DPP10: variants seen among roughly 807,000 people sequenced by gnomAD.
DPP10 encodes dipeptidyl peptidase like 10, also known as inactive dipeptidyl peptidase 10.
DPP10 carries 33 observed loss-of-function variants against 120.9 expected under a neutral mutation model. The ratio of observed to expected loss-of-function variants is 0.27; its 90% CI spans 0.21 to 0.37. The LOEUF (loss-of-function observed/expected upper bound fraction) is 0.37. Ranked by LOEUF, DPP10 falls within the 10% of genes least tolerant of loss-of-function variation. DPP10 has a pLI of 1.00. For synonymous variants in DPP10, 337 were observed against 326.1 expected, an observed-to-expected ratio of 1.03 and a Z score of -0.36; for missense variants, 816 against 942.8, an observed-to-expected ratio of 0.87 and a Z score of 1.76.
intron 1 of DPP10, among the ~76,000 whole-genome samples, chr2:114,899,157 A>G (rs548754269): frequency 3.3e-5 from 5 of 151,968 alleles, no homozygotes; most frequent in African/African-American, 1.2e-4. Context: ...CTTAATCAAT[A>G]TAGAAATTCT....
At chr2:115,214,130 C>T (rs998960879) in intron 1 of DPP10, among the ~76,000 whole-genome samples, 7 of 152,120 alleles carry the variant, frequency 4.6e-5, no homozygotes, top group Admixed American at 6.6e-5. Flanking sequence ...CTGGCAAATG[C>T]GGCCAGTGGC....
At chr2:115,397,129 C>G (rs1179805118) in intron 3 of DPP10, among the ~76,000 whole-genome samples, 1 of 152,072 alleles carries the variant, frequency 6.6e-6, no homozygotes, top group Non-Finnish European at 1.5e-5. Context: ...ATACTTAGGC[C>G]ATAGTTAAGA....
At chr2:114,866,826 G>C (rs1328335078) in intron 1 of DPP10, among the ~76,000 whole-genome samples, 1 of 152,162 alleles carries the variant, frequency 6.6e-6, no homozygotes, top group Non-Finnish European at 1.5e-5. Context: ...AGACCTCTTT[G>C]GTTGTTCGGT....
intron 1 of DPP10, among the ~76,000 whole-genome samples, chr2:115,283,232 T>C (rs1378396468): frequency 6.6e-6 from 1 of 152,000 alleles, no homozygotes; most frequent in Non-Finnish European, 1.5e-5. Flanking sequence ...ATAAATAATA[T>C]TTTTAGAAGT....
Position 114,718,400 on chromosome 2 carries a change from G to GAAAA in DPP10, c.60+275584_60+275587dup, listed in dbSNP as rs71297184. 2.2e-3 allele frequency among the ~76,000 whole-genome samples: 179 copies of GAAAA among 81,158 alleles called. 1 individual carries two copies. The highest frequency in any genetic ancestry group is 8.5e-3 in the Middle Eastern group (1 of 118). The allele number at this position is 81,158 out of a possible 152,430, so 53.2% of individuals were successfully genotyped here. ...TGGGCGAGAGTGAGAGACTCTGTTT[G>GAAAA]AAAAAAAAAAAAAAAAAAAAAAAAA... On this transcript the variant is annotated intron_variant, in intron 1 of 25. Transcript: ENST00000410059.
chr2:115,624,753 A>T (rs886180877), intron 5 of DPP10, among the ~76,000 whole-genome samples: 5 of 152,250 alleles, frequency 3.3e-5, no homozygotes, highest in Non-Finnish European at 7.3e-5. Flanking sequence ...AACATCTGTT[A>T]GAAAGACAGC....
chr2:115,280,152 A>G (rs2060098737), intron 1 of DPP10, among the ~76,000 whole-genome samples: 1 of 152,152 alleles, frequency 6.6e-6, no homozygotes, highest in Admixed American at 6.5e-5. Flanking sequence ...TTTTTGGATC[A>G]ACAGGCTTGT....
intron 5 of DPP10, among the ~76,000 whole-genome samples, chr2:115,601,759 C>T (rs539361620): frequency 2.0e-4 from 30 of 152,074 alleles, no homozygotes; most frequent in Non-Finnish European, 3.2e-4. Context: ...CTGCAATCTC[C>T]GCCTCCCGGG....
At chr2:114,714,071 T>TTGTG (rs59076753) in intron 1 of DPP10, among the ~76,000 whole-genome samples, 2,568 of 147,404 alleles carry the variant, frequency 0.017, 47 homozygotes, top group African/African-American at 0.049. Flanking sequence ...GGATTTGTGT[T>TTGTG]TGTGTGTGTG....
chr2:114,858,561 A>G (rs1689550360), intron 1 of DPP10, among the ~76,000 whole-genome samples: 1 of 152,214 alleles, frequency 6.6e-6, no homozygotes, highest in African/African-American at 2.4e-5. Context: ...TTCTTTTAAA[A>G]AGAGCTTTGT....
At position 115,294,896 on chromosome 2, in the gene DPP10, C is replaced by G. The variant is rs112775000; in HGVS notation, c.61-14343C>G. Among the ~76,000 whole-genome samples, 959 of 152,188 alleles carry G rather than the reference C, an allele frequency of 6.3e-3. 10 individuals are homozygous for G. Among genetic ancestry groups the G allele is most frequent in the African/African-American group, 0.022 (900 of 41,538 alleles). On this transcript the variant is annotated intron_variant, in intron 1 of 25. Coordinates refer to ENST00000410059, the MANE Select transcript of DPP10 (RefSeq NM_020868.6). ...CAGATGGGCTGTCCCTCCCCAACCC[C>G]TCCTCCCGACACAGACACAGGTTGG...
chr2:114,549,880 A>G lies in DPP10; in HGVS notation c.60+107042A>G, dbSNP rs558194614. Reference sequence around the variant, plus strand: ...ATCCTGGAAAGCTCCCATTTCATACACAGGCAGACAGCCTGTGAGGTGAAT... The same window carrying G: ...ATCCTGGAAAGCTCCCATTTCATACGCAGGCAGACAGCCTGTGAGGTGAAT... On this transcript the variant is annotated intron_variant, in intron 1 of 25. Transcript: ENST00000410059. Among the ~76,000 whole-genome samples the G allele has an allele frequency of 6.0e-4, 92 of 152,066 alleles. 2 individuals are homozygous for G. In the South Asian group the frequency reaches 0.018, roughly 30 times the overall value.
chr2:114,812,617 C>CAA (rs1553432949), intron 1 of DPP10, among the ~76,000 whole-genome samples: 2 of 150,562 alleles, frequency 1.3e-5, no homozygotes, highest in East Asian at 3.9e-4. Context: ...CACACACACA[C>CAA]AATTATAATT....
At chr2:115,549,110 T>A (rs1233859611) in intron 5 of DPP10, among the ~76,000 whole-genome samples, 4 of 152,152 alleles carry the variant, frequency 2.6e-5, no homozygotes, top group Non-Finnish European at 5.9e-5. Flanking sequence ...CATGTCTCTA[T>A]TACTGCCAGG....
chr2:115,720,302 A>G (rs999269536), intron 7 of DPP10, among the ~76,000 whole-genome samples: 3 of 152,206 alleles, frequency 2.0e-5, no homozygotes, highest in Non-Finnish European at 2.9e-5. Flanking sequence ...TGTAAGTGAC[A>G]TAAATCAAAA....
At chr2:114,673,338 G>A (rs887244916) in intron 1 of DPP10, among the ~76,000 whole-genome samples, 1 of 152,144 alleles carries the variant, frequency 6.6e-6, no homozygotes, top group East Asian at 1.9e-4. Context: ...GTAAATGGTT[G>A]TGTTAGAAAG....
intron 1 of DPP10, among the ~76,000 whole-genome samples, chr2:114,751,125 A>C (rs1679178392): frequency 6.6e-6 from 1 of 152,236 alleles, no homozygotes; most frequent in South Asian, 2.1e-4. Context: ...CAGAATGTGG[A>C]AATGGCAAAG....
intron 1 of DPP10, among the ~76,000 whole-genome samples, chr2:115,214,975 T>G (rs2056732853): frequency 6.6e-6 from 1 of 152,214 alleles, no homozygotes; most frequent in Admixed American, 6.5e-5. Flanking sequence ...CTGTCTTTGT[T>G]GTTGATAGGA....
intron 1 of DPP10, among the ~76,000 whole-genome samples, chr2:114,987,724 G>C (rs533425092): frequency 6.6e-6 from 1 of 151,048 alleles, no homozygotes; most frequent in South Asian, 2.1e-4. Context: ...CGTGAAAAGT[G>C]TCAGAAATAT....
Sources: allele counts gnomAD v4.1 joint callset (sites outside exome capture counted in the v4.1 genomes callset), GRCh38; gene constraint gnomAD v4.1.1; transcripts MANE v1.5; gene names NCBI Gene and HGNC (gene_info 2026-07-23, HGNC 2026-07-21).